The following RBM46 variants were observed in gnomAD, a reference collection of about 807,000 sequenced individuals.
The protein encoded by RBM46 is probable RNA-binding protein 46.
RBM46 carries 12 observed loss-of-function variants against 43.3 expected under a neutral mutation model. The observed-to-expected ratio is 0.28, with a 90% CI of 0.18 to 0.45. The LOEUF (loss-of-function observed/expected upper bound fraction) is 0.45, where lower values mean the gene tolerates loss of function less well. Among genes scored for constraint, RBM46 ranks in the 20% least tolerant of loss-of-function variants. RBM46 has a pLI of 1.00. For missense variants in RBM46, 412 were observed against 639.1 expected, an observed-to-expected ratio of 0.64 and a Z score of 3.83; for synonymous variants, 205 against 207.6, an observed-to-expected ratio of 0.99 and a Z score of 0.11.
chr4:154,784,306 A>C (rs1160397816), intron 1 of RBM46, among the ~76,000 whole-genome samples: 1 of 152,178 alleles, frequency 6.6e-6, no homozygotes, highest in South Asian at 2.1e-4. Flanking sequence ...CCTTTAAATA[A>C]TTTTCATTAA....
chr4:154,827,821 G>A, intron 4 of RBM46, 47 bp from the exon 5 acceptor site: 1 of 1,604,816 alleles, frequency 6.2e-7, no homozygotes, highest in Non-Finnish European at 8.5e-7. Context: ...AATTAAATTT[G>A]TGTCCATAAA....
intron 1 of RBM46, among the ~76,000 whole-genome samples, chr4:154,795,595 G>T (rs1323932274): frequency 5.9e-5 from 9 of 151,996 alleles, no homozygotes; most frequent in Admixed American, 4.6e-4. Context: ...AAACTCCCAG[G>T]TACCTTTGAA....
intron 4 of RBM46, among the ~76,000 whole-genome samples, chr4:154,801,120 A>G (rs1734615948): frequency 6.6e-6 from 1 of 151,928 alleles, no homozygotes; most frequent in Non-Finnish European, 1.5e-5. Flanking sequence ...CTGGGATTAC[A>G]GGCGCCCACC....
At chr4:154,819,320 G>T (rs1022658046) in intron 4 of RBM46, among the ~76,000 whole-genome samples, 2 of 152,098 alleles carry the variant, frequency 1.3e-5, no homozygotes, top group Non-Finnish European at 2.9e-5. Context: ...GTCATTCCTT[G>T]TTAGTAGCTC....
intron 1 of RBM46, among the ~76,000 whole-genome samples, chr4:154,794,316 G>A (rs1298390414): frequency 2.0e-5 from 3 of 151,732 alleles, no homozygotes; most frequent in African/African-American, 7.3e-5. Context: ...GAGTAGCTGG[G>A]ACTACAGGCA....
chr4:154,818,999 T>G (rs1430957670), intron 4 of RBM46, among the ~76,000 whole-genome samples: 1 of 152,176 alleles, frequency 6.6e-6, no homozygotes, highest in Non-Finnish European at 1.5e-5. Context: ...GTTCTGAAAT[T>G]TAATGATCTA....
Position 154,828,347 on chromosome 4 carries a change from G to A in RBM46, c.*280G>A. 2.9e-6 allele frequency: 1 copy of A among 344,514 alleles called. No individual in the cohort carries two copies. The highest frequency in any genetic ancestry group is 5.2e-6 in the Non-Finnish European group (1 of 191,442). 21.3% of individuals were successfully genotyped at this position (344,514 alleles called of 1,614,324 possible). A position where few individuals can be genotyped will look rare whatever the true frequency, so the allele number is the denominator to read the frequency against. On this transcript the variant is annotated 3_prime_UTR_variant, in exon 5 of 5. Transcript: ENST00000281722. ...AGGATTTTCTTCTACTTTCTGAGTG[G>A]GCAATAGAACCTAGTCATTTATGTT...
intron 1 of RBM46, among the ~76,000 whole-genome samples, chr4:154,794,337 C>G (rs572543903): frequency 3.9e-5 from 6 of 152,032 alleles, no homozygotes; most frequent in Non-Finnish European, 8.8e-5. Flanking sequence ...CCCGCCACCA[C>G]GCCCGGCTAA....
intron 1 of RBM46, among the ~76,000 whole-genome samples, chr4:154,782,144 GAC>G (rs1193072468): frequency 1.3e-5 from 2 of 152,194 alleles, no homozygotes; most frequent in Non-Finnish European, 2.9e-5. Context: ...CCTCTCCCCC[GAC>G]ACACGGACGG....
rs558671833 is a variant in RBM46, at chr4:154,809,396, T to G, written c.1402+9832T>G. On this transcript the variant is annotated intron_variant, in intron 4 of 4. Transcript: ENST00000281722. The stretch of plus-strand genomic sequence containing the variant: ...CCTTTAGATTTAATCAGAATTTTTC[T>G]GTAATGATTTTTAATTTTAGTTTTT... 2.5e-3 allele frequency among the ~76,000 whole-genome samples: 380 copies of G among 152,134 alleles called. 1 individual carries two copies. The highest frequency in any genetic ancestry group is 8.8e-3 in the African/African-American group (365 of 41,560).
intron 4 of RBM46, 56 bp downstream of exon 4, chr4:154,799,620 A>T (rs1323335275): frequency 1.7e-5 from 21 of 1,200,868 alleles, no homozygotes; most frequent in Non-Finnish European, 2.1e-5. Flanking sequence ...AATACTGTAG[A>T]TTATTTTTAA....
At chr4:154,809,050 C>T (rs1735050354) in intron 4 of RBM46, among the ~76,000 whole-genome samples, 1 of 106,610 alleles carries the variant, frequency 9.4e-6, no homozygotes, top group Admixed American at 1.1e-4. Context: ...AATATTTTCC[C>T]TATTTTACTT....
chr4:154,801,854 G>A (rs962221831), intron 4 of RBM46, among the ~76,000 whole-genome samples: 5 of 152,076 alleles, frequency 3.3e-5, no homozygotes, highest in Admixed American at 6.5e-5. Context: ...CACCTAATCA[G>A]GTACAATATT....
chr4:154,783,948 T>C (rs1406885952), intron 1 of RBM46, among the ~76,000 whole-genome samples: 1 of 152,204 alleles, frequency 6.6e-6, no homozygotes, highest in African/African-American at 2.4e-5. Context: ...GTAGTGGCTG[T>C]AGTGCAGTCT....
At chr4:154,790,113 A>G (rs1329774866) in intron 1 of RBM46, among the ~76,000 whole-genome samples, 1 of 152,112 alleles carries the variant, frequency 6.6e-6, no homozygotes, top group Non-Finnish European at 1.5e-5. Flanking sequence ...GATCTTTTCA[A>G]AAAACCAGCT....
chr4:154,792,831 A>G (rs1483210147), intron 1 of RBM46, among the ~76,000 whole-genome samples: 1 of 152,232 alleles, frequency 6.6e-6, no homozygotes, highest in Non-Finnish European at 1.5e-5. Context: ...TAAGAAATGA[A>G]GCTGGAGGAA....
Position 154,798,376 on chromosome 4 carries a change from TAAA to T in RBM46, c.619+99_619+101del, listed in dbSNP as rs908617549. 3.4e-5 allele frequency: 24 copies of T among 704,004 alleles called. No homozygotes were observed. The Admixed American group carries it at 6.1e-4, about 18-fold the overall frequency. The allele number at this position is 704,004 out of a possible 1,614,324, so 43.6% of individuals were successfully genotyped here. ...ATATTATCAAAATACTAATGTCACT[TAAA>T]GAAGAGTAAAGAATTGTTTGAGTAA... On this transcript the variant is annotated intron_variant, in intron 3 of 4. Coordinates refer to ENST00000281722, the MANE Select transcript of RBM46 (RefSeq NM_144979.5).
At chr4:154,826,863 C>A in intron 4 of RBM46, 1 of 1,499,364 alleles carries the variant, frequency 6.7e-7, no homozygotes, top group South Asian at 1.3e-5. Flanking sequence ...GTTAATGCAC[C>A]TATGGTGTAG....
intron 4 of RBM46, among the ~76,000 whole-genome samples, chr4:154,806,235 A>G (rs1257294226): frequency 6.6e-6 from 1 of 151,832 alleles, no homozygotes; most frequent in Non-Finnish European, 1.5e-5. Flanking sequence ...CACCATATAT[A>G]TTATGGAGTT....
Sources: gnomAD v4.1 joint callset for allele counts (sites outside exome capture counted in the v4.1 genomes callset) on GRCh38, gnomAD v4.1.1 for gene constraint, MANE v1.5 for transcripts, NCBI Gene and HGNC (gene_info 2026-07-23, HGNC 2026-07-21) for gene names.